The following HIVEP1 variants were observed in gnomAD, a reference collection of about 807,000 sequenced individuals.
HIVEP1 encodes zinc finger protein 40.
HIVEP1 carries 36 observed loss-of-function variants against 180.0 expected under a neutral mutation model. That is an observed-to-expected ratio of 0.20 (90% confidence interval 0.15 to 0.26). HIVEP1 has a LOEUF of 0.26. Ranked by LOEUF, HIVEP1 falls within the 10% of genes least tolerant of loss-of-function variation. The pLI is 1.00. For missense variants in HIVEP1, 3,143 were observed against 3,268.7 expected, an observed-to-expected ratio of 0.96 and a Z score of 0.94; for synonymous variants, 1,239 against 1,239.0, an observed-to-expected ratio of 1.00 and a Z score of 0.00.
chr6:12,058,264 A>G (rs915708104), intron 2 of HIVEP1, among the ~76,000 whole-genome samples: 1 of 152,208 alleles, frequency 6.6e-6, no homozygotes, highest in East Asian at 1.9e-4. Flanking sequence ...TACTGCATTT[A>G]TAAAGTGCTT....
At chr6:12,011,554 G>C (rs1296688100), upstream of HIVEP1, among the ~76,000 whole-genome samples, 1 of 119,302 alleles carries the variant, frequency 8.4e-6, no homozygotes, top group Non-Finnish European at 1.8e-5. Context: ...CCCGCCCCCC[G>C]CGTCCCTAAC....
intron 2 of HIVEP1, among the ~76,000 whole-genome samples, chr6:12,017,386 C>T (rs550377634): frequency 4.8e-4 from 73 of 152,300 alleles, no homozygotes; most frequent in Admixed American, 1.6e-3. Context: ...TTCGTGGTCT[C>T]GCTGGTTCAG....
At chr6:12,167,896 A>G (rs1760771169), downstream of HIVEP1, among the ~76,000 whole-genome samples, 1 of 142,802 alleles carries the variant, frequency 7.0e-6, no homozygotes, top group Non-Finnish European at 1.5e-5. Flanking sequence ...AGATGTGCGT[A>G]TATAATATAT....
chr6:12,079,365 C>T (rs764594148), intron 2 of HIVEP1, among the ~76,000 whole-genome samples: 90 of 152,022 alleles, frequency 5.9e-4, no homozygotes, highest in Non-Finnish European at 8.1e-4. Context: ...GGTTTAATAC[C>T]TATTAAAAAT....
chr6:12,087,753 A>G (rs1773201048), intron 2 of HIVEP1, among the ~76,000 whole-genome samples: 1 of 152,128 alleles, frequency 6.6e-6, no homozygotes, highest in Non-Finnish European at 1.5e-5. Context: ...GTTTTTTTCC[A>G]GGACTATTTC....
intron 2 of HIVEP1, among the ~76,000 whole-genome samples, chr6:12,067,316 A>T (rs1771662798): frequency 6.6e-6 from 1 of 152,174 alleles, no homozygotes; most frequent in African/African-American, 2.4e-5. Context: ...AAATTGTAGC[A>T]TGGAAAATTA....
Position 12,163,436 on chromosome 6 carries a change from A to G in HIVEP1, c.7132A>G (p.Thr2378Ala), listed in dbSNP as rs1249947903. 1 of 1,613,738 alleles carries G rather than the reference A, an allele frequency of 6.2e-7. No individual in the cohort carries two copies. Among genetic ancestry groups the G allele is most frequent in the South Asian group, 1.1e-5 (1 of 91,046 alleles). ...GACTCCAGGCTTGCCTTCTCCCCAC[A>G]CTCATTTGTTTAGCCACCTTCCTTT... ...QPTPGLPSPH[T>A]HLFSHLPLHS... Residue 2378 changes from threonine to alanine, a missense_variant, in exon 9 of 9, where the codon ACT (threonine) becomes GCT (alanine). Transcript: ENST00000379388.
rs907790729 is a variant in HIVEP1, at chr6:12,121,433, G to A, written c.1638G>A (p.Leu546=). ...SSPENVIGDF[L]LQDRSAESQA... Reference sequence around the variant, plus strand: ...CAGAAAATGTGATAGGTGACTTTTTGCTACAGGACAGATCTGCAGAATCAC... The same window carrying A: ...CAGAAAATGTGATAGGTGACTTTTTACTACAGGACAGATCTGCAGAATCAC... The change falls in exon 4 of 9, where the codon TTG becomes TTA. Residue 546 remains leucine (L), a synonymous_variant. Coordinates refer to ENST00000379388, the MANE Select transcript of HIVEP1 (RefSeq NM_002114.4). The surrounding 1 kb of genome is among the most constrained non-coding windows in gnomAD (Gnocchi z 5.3). 22 of 1,614,024 alleles carry A rather than the reference G, an allele frequency of 1.4e-5. No homozygotes were observed. Among genetic ancestry groups the A allele is most frequent in the Non-Finnish European group, 1.8e-5 (21 of 1,180,020 alleles).
At chr6:12,068,586 TAAG>T (rs765832599) in intron 2 of HIVEP1, among the ~76,000 whole-genome samples, 13 of 152,172 alleles carry the variant, frequency 8.5e-5, no homozygotes, top group East Asian at 1.9e-4. Flanking sequence ...GGAGAATACT[TAAG>T]AATCTGACAG....
intron 2 of HIVEP1, among the ~76,000 whole-genome samples, chr6:12,023,836 G>C (rs990533107): frequency 6.6e-5 from 10 of 152,124 alleles, no homozygotes; most frequent in African/African-American, 2.4e-4. Flanking sequence ...TTCTGATGAG[G>C]TACAATCTTA....
chr6:12,179,379 C>T, the HIVEP1 span, among the ~76,000 whole-genome samples: 1 of 152,156 alleles, frequency 6.6e-6, no homozygotes, highest in Non-Finnish European at 1.5e-5. Flanking sequence ...CCCTCCGCAC[C>T]ATCCACCAGC....
intron 6 of HIVEP1, among the ~76,000 whole-genome samples, chr6:12,135,411 A>C (rs1386246639): frequency 6.6e-6 from 1 of 152,236 alleles, no homozygotes. Flanking sequence ...GAAACAAATG[A>C]GAAAGAGCCA....
In HIVEP1 at chr6:12,123,478, G is replaced by A. The variant is rs766804175; in HGVS notation, c.3683G>A (p.Arg1228Gln). ...HVLGQPSRLV[R>Q]QHNIQVPEIL... Reference sequence around the variant, plus strand: ...TTAGGACAGCCCTCAAGACTTGTCCGGCAGCACAACATCCAAGTTCCAGAG... The same window carrying A: ...TTAGGACAGCCCTCAAGACTTGTCCAGCAGCACAACATCCAAGTTCCAGAG... The change falls in exon 4 of 9, where the codon CGG becomes CAG. Residue 1228 changes from arginine (R) to glutamine (Q), a missense_variant. This residue lies in a region of HIVEP1 where 1,357 missense variants were observed against 1,260.5 expected (regional missense o/e 1.08). Coordinates refer to ENST00000379388, the MANE Select transcript of HIVEP1 (RefSeq NM_002114.4). 9 of 1,613,984 alleles carry A rather than the reference G, an allele frequency of 5.6e-6. No individual in the cohort carries two copies. The Admixed American group carries it at 6.7e-5, about 12-fold the overall frequency.
At position 12,121,580 on chromosome 6, in the gene HIVEP1, C is replaced by T. The variant is rs758962767; in HGVS notation, c.1785C>T (p.Asp595=). 1.9e-6 allele frequency: 3 copies of T among 1,614,038 alleles called. No individual in the cohort carries two copies. Among genetic ancestry groups the T allele is most frequent in the Non-Finnish European group, 1.7e-6 (2 of 1,180,036 alleles). ...TTTCTAGTGCACAAAAGCAGAAGGA[C>T]CTTCAGGTGACAAACGTACAGCCAC... The part of the protein sequence containing the change: ...PELSSAQKQK[D]LQVTNVQPLS... Residue 595 remains aspartate (D), a synonymous_variant, in exon 4 of 9, where the codon GAC becomes GAT. Coordinates refer to ENST00000379388, the MANE Select transcript of HIVEP1 (RefSeq NM_002114.4). The surrounding 1 kb of genome is among the most constrained non-coding windows in gnomAD (Gnocchi z 5.3).
chr6:12,163,453 C>T lies in HIVEP1; in HGVS notation c.7149C>T (p.His2383=), dbSNP rs760223802. Residue 2383 remains histidine (H), a synonymous_variant, in exon 9 of 9, where the codon CAC becomes CAT. Coordinates refer to ENST00000379388, the MANE Select transcript of HIVEP1 (RefSeq NM_002114.4). ...LPSPHTHLFS[H]LPLHSQQQSR... Reference sequence around the variant, plus strand: ...CTCCCCACACTCATTTGTTTAGCCACCTTCCTTTGCATTCCCAGCAGCAAT... The same window carrying T: ...CTCCCCACACTCATTTGTTTAGCCATCTTCCTTTGCATTCCCAGCAGCAAT... 1.9e-6 allele frequency: 3 copies of T among 1,614,074 alleles called. No individual in the cohort carries two copies. In the Admixed American group the frequency reaches 5.0e-5, roughly 27 times the overall value.
the HIVEP1 span, among the ~76,000 whole-genome samples, chr6:12,207,247 C>T: frequency 5.3e-5 from 8 of 152,124 alleles, no homozygotes; most frequent in African/African-American, 1.9e-4. Flanking sequence ...ATTTCCCTAG[C>T]ATATATGATG....
At chr6:12,090,969 T>C (rs572061244) in intron 3 of HIVEP1, among the ~76,000 whole-genome samples, 2 of 152,236 alleles carry the variant, frequency 1.3e-5, no homozygotes, top group South Asian at 2.1e-4. Flanking sequence ...GCTACACTTA[T>C]TTAAGAGCTA....
intron 2 of HIVEP1, among the ~76,000 whole-genome samples, chr6:12,065,284 C>A (rs1414706503): frequency 6.6e-6 from 1 of 152,072 alleles, no homozygotes; most frequent in East Asian, 1.9e-4. Context: ...CTGATCATGG[C>A]GTTTGATATT....
chr6:12,085,466 G>A (rs2068152313), intron 2 of HIVEP1, among the ~76,000 whole-genome samples: 1 of 152,146 alleles, frequency 6.6e-6, no homozygotes, highest in Non-Finnish European at 1.5e-5. Context: ...ACACAGGGGA[G>A]TTTGAGCCTT....
Sources: allele counts gnomAD v4.1 joint callset (sites outside exome capture counted in the v4.1 genomes callset), GRCh38; gene constraint gnomAD v4.1.1; regional missense constraint gnomAD v4.1.1; non-coding constraint Gnocchi (gnomAD v3.1); transcripts MANE v1.5; gene names NCBI Gene and HGNC (gene_info 2026-07-23, HGNC 2026-07-21).